The following RNF114 variants were observed in gnomAD, a reference collection of about 807,000 sequenced individuals.
RNF114 encodes the protein ring finger protein 114.
Under a neutral mutation model 28.4 loss-of-function variants are expected in RNF114, and 6 were observed. The ratio of observed to expected loss-of-function variants is 0.21; its 90% CI spans 0.12 to 0.42. The LOEUF (loss-of-function observed/expected upper bound fraction) is 0.42, where lower values mean the gene tolerates loss of function less well. Ranked by LOEUF, RNF114 falls within the 10% of genes least tolerant of loss-of-function variation. The pLI is 1.00. For missense variants in RNF114, 249 were observed against 311.7 expected, an observed-to-expected ratio of 0.80 and a Z score of 1.51; for synonymous variants, 115 against 116.7, an observed-to-expected ratio of 0.99 and a Z score of 0.09.
chr20:49,939,778 G>A (rs1474885422), intron 1 of RNF114, among the ~76,000 whole-genome samples: 1 of 151,700 alleles, frequency 6.6e-6, no homozygotes, highest in Non-Finnish European at 1.5e-5. Context: ...TATAGGGCTG[G>A]GCTCAGTGGC....
intron 4 of RNF114, among the ~76,000 whole-genome samples, chr20:49,948,222 A>T (rs1209346785): frequency 2.0e-5 from 3 of 152,024 alleles, no homozygotes; most frequent in Non-Finnish European, 4.4e-5. Context: ...GTCTTCTACC[A>T]TTCCAGATTT....
At chr20:49,949,514 CAA>C (rs1262049462) in intron 5 of RNF114, among the ~76,000 whole-genome samples, 159 bp downstream of exon 5, 2 of 152,116 alleles carry the variant, frequency 1.3e-5, no homozygotes, top group African/African-American at 4.8e-5. Flanking sequence ...AGGGGATTGA[CAA>C]GAGAGAAAAG....
chr20:49,941,858 C>A, intron 2 of RNF114, 147 bp downstream of exon 2: 1 of 756,410 alleles, frequency 1.3e-6, no homozygotes. Context: ...GATGGCTGGG[C>A]TGGTTTGTTT....
intron 2 of RNF114, 154 bp downstream of exon 2, chr20:49,941,865 G>A: frequency 1.4e-6 from 1 of 693,692 alleles, no homozygotes; most frequent in South Asian, 2.1e-5. Flanking sequence ...GGGCTGGTTT[G>A]TTTTCATAAC....
chr20:49,942,997 CT>C (rs1212697122), intron 2 of RNF114, among the ~76,000 whole-genome samples: 1 of 46,104 alleles, frequency 2.2e-5, no homozygotes, highest in African/African-American at 1.0e-4. Flanking sequence ...TCATTCCCAA[CT>C]TTTTTTTTCC....
chr20:49,952,596 C>T lies in RNF114; in HGVS notation c.*455C>T, dbSNP rs6095717. Reference sequence around the variant, plus strand: ...TGTGCAGACTTTGGCAGCCGTGCACCTGACCAGAGCTGAAGCTCCCGCTGG... The same window carrying T: ...TGTGCAGACTTTGGCAGCCGTGCACTTGACCAGAGCTGAAGCTCCCGCTGG... On this transcript the variant is annotated 3_prime_UTR_variant, in exon 6 of 6. Coordinates refer to ENST00000244061, the MANE Select transcript of RNF114 (RefSeq NM_018683.4). 1 of 217,370 alleles carries T rather than the reference C, an allele frequency of 4.6e-6. No individual in the cohort carries two copies. 13.5% of individuals were successfully genotyped at this position (217,370 alleles called of 1,614,324 possible).
intron 3 of RNF114, 66 bp downstream of exon 3, chr20:49,945,554 C>A: frequency 2.1e-6 from 2 of 945,652 alleles, no homozygotes; most frequent in Admixed American, 1.8e-5. Context: ...AGGTTGCATG[C>A]CCAGGGGTTT....
intron 1 of RNF114, among the ~76,000 whole-genome samples, chr20:49,940,212 T>G (rs1252048709): frequency 2.0e-5 from 3 of 152,104 alleles, no homozygotes; most frequent in African/African-American, 7.2e-5. Flanking sequence ...GATTTTTATT[T>G]CCTCAGATAC....
chr20:49,947,693 C>T (rs12480800), intron 4 of RNF114, among the ~76,000 whole-genome samples: 2,343 of 149,680 alleles, frequency 0.016, 145 homozygotes, highest in Admixed American at 0.11. Context: ...TCTGAAATCC[C>T]TCTGATTATG....
At chr20:49,946,275 TA>T (rs397830228) in intron 4 of RNF114, 25 bp downstream of exon 4, 14 of 1,150,206 alleles carry the variant, frequency 1.2e-5, no homozygotes, top group African/African-American at 1.6e-5. Context: ...TTTTTTTTTT[TA>T]AACTTCATTA....
intron 2 of RNF114, chr20:49,945,135 A>G (rs1288268164): frequency 2.7e-6 from 1 of 367,916 alleles, no homozygotes; most frequent in Non-Finnish European, 5.1e-6. Flanking sequence ...ATAGGAGCAA[A>G]CCTCTAGGAG....
At chr20:49,939,920 C>T (rs2090300685) in intron 1 of RNF114, among the ~76,000 whole-genome samples, 1 of 151,754 alleles carries the variant, frequency 6.6e-6, no homozygotes, top group South Asian at 2.1e-4. Context: ...TGGGTGTGGT[C>T]ATGCGCGCCT....
chr20:49,936,456 CG>C lies in RNF114; in HGVS notation c.48del (p.Pro17ArgfsTer8). 6.5e-7 allele frequency: 1 copy of C among 1,547,516 alleles called. No homozygotes were observed. The highest frequency in any genetic ancestry group is 1.4e-5 in the African/African-American group (1 of 71,732). ...GACTGCGGGGGTGCTGCGCAGCTGGCGGGGCCGGCGGCGGAGGCTGACCCCC... is the reference window on the plus strand; with the variant it reads ...GACTGCGGGGGTGCTGCGCAGCTGGCGGGCCGGCGGCGGAGGCTGACCCCC... Reference protein sequence around the residue: ...QRDCGGAAQLAGPAAEADPLG... With the variant: ...QRDCGGAAQLXGPAAEADPLG... On this transcript the variant is annotated frameshift_variant, in exon 1 of 6. Coordinates refer to ENST00000244061, the MANE Select transcript of RNF114 (RefSeq NM_018683.4). LOFTEE classifies it high-confidence loss of function.
intron 5 of RNF114, among the ~76,000 whole-genome samples, chr20:49,949,845 A>G (rs939052125): frequency 4.0e-5 from 6 of 151,832 alleles, no homozygotes; most frequent in Non-Finnish European, 7.4e-5. Context: ...GGCTTTCACT[A>G]TGTTGGCCAG....
rs1330325046 is a variant in RNF114 at position 49,952,902 on chromosome 20, G to A, written c.*761G>A. ...AGCTAAGAGAAGTGGGAGGGCCAGAGCTTTTTGGTTCTGATTTACAAATTA... is the reference window on the plus strand; with the variant it reads ...AGCTAAGAGAAGTGGGAGGGCCAGAACTTTTTGGTTCTGATTTACAAATTA... On this transcript the variant is annotated 3_prime_UTR_variant, in exon 6 of 6. Transcript: ENST00000244061. The A allele has an allele frequency of 6.6e-6, 1 of 152,552 alleles. No homozygotes were observed. Among genetic ancestry groups the A allele is most frequent in the African/African-American group, 2.4e-5 (1 of 41,428 alleles). The allele number at this position is 152,552 out of a possible 1,614,324, so 9.4% of individuals were successfully genotyped here.
rs1428740665 is a variant in RNF114, at chr20:49,953,327, A to T, written c.*1186A>T. 1 of 152,188 alleles carries T rather than the reference A, an allele frequency of 6.6e-6. No homozygotes were observed. Among genetic ancestry groups the T allele is most frequent in the African/African-American group, 2.4e-5 (1 of 41,436 alleles). The allele number at this position is 152,188 out of a possible 1,614,324, so 9.4% of individuals were successfully genotyped here. A position where few individuals can be genotyped will look rare whatever the true frequency, so the allele number is the denominator to read the frequency against. The stretch of plus-strand genomic sequence containing the variant: ...TTTAGGAACAGCTCAAGAACCTTGG[A>T]GTTCATATTTCACAAATATTAATAA... On this transcript the variant is annotated 3_prime_UTR_variant, in exon 6 of 6. Transcript: ENST00000244061.
intron 5 of RNF114, 102 bp from the exon 6 acceptor site, chr20:49,951,974 A>ACCTACTCCGGATCCAGTTGCTAGGCTGT: frequency 1.1e-6 from 1 of 926,714 alleles, no homozygotes; most frequent in Non-Finnish European, 1.7e-6. Context: ...GTCCCTGGCA[A>ACCTACTCCGGATCCAGTTGCTAGGCTGT]CCTGCTCCGG....
At chr20:49,945,280 G>T in intron 2 of RNF114, 102 bp from the exon 3 acceptor site, 1 of 680,920 alleles carries the variant, frequency 1.5e-6, no homozygotes, top group South Asian at 1.7e-5. Flanking sequence ...TTATTTGCCA[G>T]GGTGGTGTAG....
chr20:49,940,386 G>A (rs1310780915), intron 1 of RNF114, among the ~76,000 whole-genome samples: 1 of 147,152 alleles, frequency 6.8e-6, no homozygotes, highest in African/African-American at 2.5e-5. Flanking sequence ...TCAGGTTCAT[G>A]AACTACAAAA....
Sources: gnomAD v4.1 joint callset for allele counts (sites outside exome capture counted in the v4.1 genomes callset) on GRCh38, gnomAD v4.1.1 for gene constraint, MANE v1.5 for transcripts, NCBI Gene and HGNC (gene_info 2026-07-23, HGNC 2026-07-21) for gene names.